GPR27: variants seen among roughly 807,000 people sequenced by gnomAD.
GPR27 encodes the protein G protein-coupled receptor 27, also known as probable G protein-coupled receptor 27.
In GPR27, 3 loss-of-function variants were observed where a neutral mutation model predicts 2.4. The observed-to-expected ratio is 1.23, with a 90% CI of 0.56 to 3.18. GPR27 has a LOEUF of 3.18. Among genes scored for constraint, GPR27 ranks in the 30% most tolerant of loss-of-function variants. GPR27 has a pLI of 0.03. For missense variants in GPR27, 526 were observed against 566.1 expected (o/e 0.93, Z 0.72); for synonymous variants, 367 against 296.4 (o/e 1.24, Z -2.45).
chr3:71,755,039 G>A lies in GPR27; in HGVS notation c.990G>A (p.Gln330=). The A allele has an allele frequency of 6.2e-7, 1 of 1,612,572 alleles. No homozygotes were observed. The highest frequency in any genetic ancestry group is 8.5e-7 in the Non-Finnish European group (1 of 1,179,984). The change falls in exon 1 of 1, where the codon CAG becomes CAA. Residue 330 remains glutamine (Q), a synonymous_variant. Transcript: ENST00000304411. The part of the protein sequence containing the change: ...LTASVWLTFA[Q]AGINPVVCFL... The stretch of plus-strand genomic sequence containing the variant: ...CCTCCGTGTGGCTGACCTTCGCGCA[G>A]GCCGGCATCAACCCCGTCGTGTGCT...
At position 71,756,100 on chromosome 3, in the gene GPR27, T is replaced by G. The variant is rs2049997640; in HGVS notation, c.*923T>G. 1 of 152,236 alleles carries G rather than the reference T, an allele frequency of 6.6e-6. No homozygotes were observed. The highest frequency in any genetic ancestry group is 1.9e-4 in the East Asian group (1 of 5,204). 9.4% of individuals were successfully genotyped at this position (152,236 alleles called of 1,614,324 possible). ...ATTTTTTGCCAATAAAAAATTAATT[T>G]TATGGAAATGGCTTGTGCTTTGAGA... On this transcript the variant is annotated 3_prime_UTR_variant, in exon 1 of 1. Transcript: ENST00000304411.
In GPR27 at chr3:71,755,384, C is replaced by T. The variant is rs2049992486; in HGVS notation, c.*207C>T. ...TCAGCCCACTCCAGCTCCGCACATTCGTCCTCCTAACTCGACTTTCTTCCT... is the reference window on the plus strand; with the variant it reads ...TCAGCCCACTCCAGCTCCGCACATTTGTCCTCCTAACTCGACTTTCTTCCT... On this transcript the variant is annotated 3_prime_UTR_variant, in exon 1 of 1. Coordinates refer to ENST00000304411, the MANE Select transcript of GPR27 (RefSeq NM_018971.3). 1 of 568,130 alleles carries T rather than the reference C, an allele frequency of 1.8e-6. No homozygotes were observed. The highest frequency in any genetic ancestry group is 2.4e-5 in the South Asian group (1 of 41,966). The allele number at this position is 568,130 out of a possible 1,614,324, so 35.2% of individuals were successfully genotyped here.
Position 71,754,703 on chromosome 3 carries a change from C to G in GPR27, c.654C>G (p.Arg218=), listed in dbSNP as rs770128373. ...ACCGCCGCAAGATGCGGCCCGCGCG[C>G]CTGGTGCCCGCCGTCAGCCACGACT... ...IHDRRKMRPA[R]LVPAVSHDWT... Residue 218 remains arginine (R), a synonymous_variant, in exon 1 of 1, where the codon CGC becomes CGG. Coordinates refer to ENST00000304411, the MANE Select transcript of GPR27 (RefSeq NM_018971.3). This position sits in a 1 kb window ranked among gnomAD's most constrained non-coding sequence, Gnocchi z 5.8. 6.7e-7 allele frequency: 1 copy of G among 1,489,086 alleles called. No individual in the cohort carries two copies. The highest frequency in any genetic ancestry group is 1.2e-5 in the South Asian group (1 of 81,830). 92.2% of individuals were successfully genotyped at this position (1,489,086 alleles called of 1,614,324 possible). A position where few individuals can be genotyped will look rare whatever the true frequency, so the allele number is the denominator to read the frequency against.
rs764465323 is a variant in GPR27, at chr3:71,754,837, C to T, written c.788C>T (p.Pro263Leu). 4.2e-5 allele frequency: 67 copies of T among 1,581,436 alleles called. No homozygotes were observed. The Middle Eastern group carries it at 2.8e-3, about 65-fold the overall frequency. Residue 263 changes from proline to leucine, a missense_variant, in exon 1 of 1, where the codon CCG becomes CTG. This residue lies in a region of GPR27 where 98 missense variants were observed against 146.7 expected (regional missense o/e 0.67). Coordinates refer to ENST00000304411, the MANE Select transcript of GPR27 (RefSeq NM_018971.3). This position sits in a 1 kb window ranked among gnomAD's most constrained non-coding sequence, Gnocchi z 5.8. ...CTTGTGGGCATCCGGCCCGCAGGGC[C>T]GGGCCGCGGCGCGCGCCGCCTCCTC... ...PALVGIRPAG[P>L]GRGARRLLVL... is the part of the protein sequence containing the mutation.
rs2049995624 is a variant in GPR27, at chr3:71,755,832, AG to A, written c.*656del. ...TTTTTAAAGCAGTAAGTAACAAGTA[AG>A]ATTTGGTTCCCGGTTTACTTTCTGC... On this transcript the variant is annotated 3_prime_UTR_variant, in exon 1 of 1. Transcript: ENST00000304411. 1 of 152,202 alleles carries A rather than the reference AG, an allele frequency of 6.6e-6. No homozygotes were observed. The highest frequency in any genetic ancestry group is 6.5e-5 in the Admixed American group (1 of 15,282). 9.4% of individuals were successfully genotyped at this position (152,202 alleles called of 1,614,324 possible). A position where few individuals can be genotyped will look rare whatever the true frequency, so the allele number is the denominator to read the frequency against.
chr3:71,754,224 G>T lies in GPR27; in HGVS notation c.175G>T (p.Asp59Tyr). The change falls in exon 1 of 1, where the codon GAC becomes TAC. Residue 59 changes from aspartate to tyrosine, a missense_variant. Transcript: ENST00000304411. The surrounding 1 kb of genome is among the most constrained non-coding windows in gnomAD (Gnocchi z 5.8). ...LHRAPYYLLL[D>Y]LCLADGLRAL... ...CCGCGCCCCGTACTACCTGCTGCTCGACCTGTGCCTGGCCGACGGGCTGCG... is the reference window on the plus strand; with the variant it reads ...CCGCGCCCCGTACTACCTGCTGCTCTACCTGTGCCTGGCCGACGGGCTGCG... The T allele has an allele frequency of 7.3e-7, 1 of 1,371,210 alleles. No individual in the cohort carries two copies. The highest frequency in any genetic ancestry group is 9.6e-7 in the Non-Finnish European group (1 of 1,044,702). The allele number at this position is 1,371,210 out of a possible 1,614,324, so 84.9% of individuals were successfully genotyped here. A position where few individuals can be genotyped will look rare whatever the true frequency, so the allele number is the denominator to read the frequency against.
chr3:71,754,126 G>A lies in GPR27; in HGVS notation c.77G>A (p.Ser26Asn). 7 of 1,442,810 alleles carry A rather than the reference G, an allele frequency of 4.9e-6. No homozygotes were observed. Among genetic ancestry groups the A allele is most frequent in the Non-Finnish European group, 5.5e-6 (6 of 1,089,532 alleles). 89.4% of individuals were successfully genotyped at this position (1,442,810 alleles called of 1,614,324 possible). A position where few individuals can be genotyped will look rare whatever the true frequency, so the allele number is the denominator to read the frequency against. Residue 26 changes from serine (S) to asparagine (N), a missense_variant, in exon 1 of 1, where the codon AGC becomes AAC. By Grantham distance (46) the Ser-to-Asn change is conservative. Around this residue, in one of 3 missense-constraint regions of GPR27, gnomAD observed 312 missense variants for 318.4 expected, o/e 0.98. Coordinates refer to ENST00000304411, the MANE Select transcript of GPR27 (RefSeq NM_018971.3). The surrounding 1 kb of genome is among the most constrained non-coding windows in gnomAD (Gnocchi z 5.8). ...CTGGGCCTCAAGCTGGCCACGCTCAGCCTGCTGCTGTGCGTGAGCCTAGCG... is the reference window on the plus strand; with the variant it reads ...CTGGGCCTCAAGCTGGCCACGCTCAACCTGCTGCTGTGCGTGAGCCTAGCG... ...AALGLKLATLSLLLCVSLAGN... is the reference protein window; with the variant it reads ...AALGLKLATLNLLLCVSLAGN...
At position 71,755,079 on chromosome 3, in the gene GPR27, G is replaced by C. The variant is rs982327922; in HGVS notation, c.1030G>C (p.Glu344Gln). 1.6e-5 allele frequency: 26 copies of C among 1,611,204 alleles called. No individual in the cohort carries two copies. The highest frequency in any genetic ancestry group is 2.2e-5 in the Non-Finnish European group (26 of 1,179,942). ...NPVVCFLFNRELRDCFRAQFP... is the reference protein window; with the variant it reads ...NPVVCFLFNRQLRDCFRAQFP... ...CGTCGTGTGCTTCCTCTTCAACAGG[G>C]AGCTGAGGGACTGCTTCAGGGCCCA... is the stretch of plus-strand genomic sequence containing the variant. The change falls in exon 1 of 1, where the codon GAG becomes CAG. Residue 344 changes from glutamate to glutamine, a missense_variant. This residue lies in a region of GPR27 where 116 missense variants were observed against 100.9 expected (regional missense o/e 1.15). Transcript: ENST00000304411.
Position 71,754,860 on chromosome 3 carries a change from C to T in GPR27, c.811C>T (p.Leu271Phe), listed in dbSNP as rs1449529131. The T allele has an allele frequency of 1.2e-6, 2 of 1,609,876 alleles. No homozygotes were observed. The highest frequency in any genetic ancestry group is 2.7e-5 in the African/African-American group (2 of 74,680). Residue 271 changes from leucine to phenylalanine, a missense_variant, in exon 1 of 1, where the codon CTC becomes TTC. This residue lies in a region of GPR27 where 98 missense variants were observed against 146.7 expected (regional missense o/e 0.67). Transcript: ENST00000304411. This position sits in a 1 kb window ranked among gnomAD's most constrained non-coding sequence, Gnocchi z 5.8. ...GCCGGGCCGCGGCGCGCGCCGCCTCCTCGTGCTGGAAGAATTCAAGACGGA... is the reference window on the plus strand; with the variant it reads ...GCCGGGCCGCGGCGCGCGCCGCCTCTTCGTGCTGGAAGAATTCAAGACGGA... ...AGPGRGARRLLVLEEFKTEKR... is the reference protein window; with the variant it reads ...AGPGRGARRLFVLEEFKTEKR...
Position 71,754,099 on chromosome 3 carries a change from C to T in GPR27, c.50C>T (p.Ala17Val), listed in dbSNP as rs1326979831. The change falls in exon 1 of 1, where the codon GCC becomes GTC. Residue 17 changes from alanine to valine, a missense_variant. Physicochemically the swap from Ala to Val is moderately conservative, Grantham distance 64 (BLOSUM62 0). This residue lies in a region of GPR27 where 312 missense variants were observed against 318.4 expected (regional missense o/e 0.98). Coordinates refer to ENST00000304411, the MANE Select transcript of GPR27 (RefSeq NM_018971.3). The surrounding 1 kb of genome is among the most constrained non-coding windows in gnomAD (Gnocchi z 5.8). ...GGCAGCGGCGGCGGCGAGGCGGCCG[C>T]CCTGGGCCTCAAGCTGGCCACGCTC... ...PGGSGGGEAA[A>V]LGLKLATLSL... 2.2e-6 allele frequency: 3 copies of T among 1,381,926 alleles called. No individual in the cohort carries two copies. Among genetic ancestry groups the T allele is most frequent in the South Asian group, 2.7e-5 (2 of 74,202 alleles). The allele number at this position is 1,381,926 out of a possible 1,614,324, so 85.6% of individuals were successfully genotyped here.
rs1442068364 is a variant in GPR27, at chr3:71,756,279, TACTG to T, written c.*1104_*1107del. On this transcript the variant is annotated 3_prime_UTR_variant, in exon 1 of 1. Transcript: ENST00000304411. ...TTTGCTAGGTTAAGCTGTGCTGTTCTACTGATGGTTGTTTTAAATTAATAATGAG... is the reference window on the plus strand; with the variant it reads ...TTTGCTAGGTTAAGCTGTGCTGTTCTATGGTTGTTTTAAATTAATAATGAG... 2.0e-5 allele frequency: 3 copies of T among 152,244 alleles called. No individual in the cohort carries two copies. Among genetic ancestry groups the T allele is most frequent in the Non-Finnish European group, 4.4e-5 (3 of 68,040 alleles). 9.4% of individuals were successfully genotyped at this position (152,244 alleles called of 1,614,324 possible).
In GPR27 at chr3:71,754,420, T is replaced by C; in HGVS notation, c.371T>C (p.Ile124Thr). The C allele has an allele frequency of 7.4e-7, 1 of 1,350,652 alleles. No homozygotes were observed. The highest frequency in any genetic ancestry group is 2.7e-5 in the Admixed American group (1 of 36,882). The allele number at this position is 1,350,652 out of a possible 1,614,324, so 83.7% of individuals were successfully genotyped here. A position where few individuals can be genotyped will look rare whatever the true frequency, so the allele number is the denominator to read the frequency against. ...LGVGVTRYLA[I>T]AHHRFYAERL... Reference sequence around the variant, plus strand: ...GTGGGCGTCACCCGCTACCTGGCCATCGCGCACCACCGCTTCTATGCAGAG... The same window carrying C: ...GTGGGCGTCACCCGCTACCTGGCCACCGCGCACCACCGCTTCTATGCAGAG... Residue 124 changes from isoleucine (I) to threonine (T), a missense_variant, in exon 1 of 1, where the codon ATC (isoleucine) becomes ACC (threonine). Coordinates refer to ENST00000304411, the MANE Select transcript of GPR27 (RefSeq NM_018971.3). This position sits in a 1 kb window ranked among gnomAD's most constrained non-coding sequence, Gnocchi z 5.8.
In GPR27 at chr3:71,754,421, C is replaced by T. The variant is rs2049978681; in HGVS notation, c.372C>T (p.Ile124=). 1 of 1,351,550 alleles carries T rather than the reference C, an allele frequency of 7.4e-7. No homozygotes were observed. Among genetic ancestry groups the T allele is most frequent in the East Asian group, 3.3e-5 (1 of 30,394 alleles). 83.7% of individuals were successfully genotyped at this position (1,351,550 alleles called of 1,614,324 possible). ...TGGGCGTCACCCGCTACCTGGCCAT[C>T]GCGCACCACCGCTTCTATGCAGAGC... The part of the protein sequence containing the change: ...LGVGVTRYLA[I]AHHRFYAERL... The change falls in exon 1 of 1, where the codon ATC becomes ATT. Residue 124 remains isoleucine (I), a synonymous_variant. Coordinates refer to ENST00000304411, the MANE Select transcript of GPR27 (RefSeq NM_018971.3). This position sits in a 1 kb window ranked among gnomAD's most constrained non-coding sequence, Gnocchi z 5.8.
chr3:71,754,328 G>A lies in GPR27; in HGVS notation c.279G>A (p.Leu93=). Residue 93 remains leucine, a synonymous_variant, in exon 1 of 1, where the codon CTG becomes CTA. Transcript: ENST00000304411. The surrounding 1 kb of genome is among the most constrained non-coding windows in gnomAD (Gnocchi z 5.8). ...AAAAGAPPGA[L]GCKLLAFLAA... The stretch of plus-strand genomic sequence containing the variant: ...CGGCGGGGGCGCCGCCGGGCGCGCT[G>A]GGCTGCAAGCTGCTCGCCTTCCTGG... 2 of 1,234,488 alleles carry A rather than the reference G, an allele frequency of 1.6e-6. No individual in the cohort carries two copies. The highest frequency in any genetic ancestry group is 2.0e-6 in the Non-Finnish European group (2 of 979,680). 76.5% of individuals were successfully genotyped at this position (1,234,488 alleles called of 1,614,324 possible).
At position 71,754,600 on chromosome 3, in the gene GPR27, T is replaced by A; in HGVS notation, c.551T>A (p.Leu184Gln). 1 of 1,436,940 alleles carries A rather than the reference T, an allele frequency of 7.0e-7. No homozygotes were observed. Among genetic ancestry groups the A allele is most frequent in the Admixed American group, 2.5e-5 (1 of 39,266 alleles). The allele number at this position is 1,436,940 out of a possible 1,614,324, so 89.0% of individuals were successfully genotyped here. ...CGGCCCGACGGCGCCCCCGGCGCGC[T>A]GGGCTTCCTGCTGCTGCTGGCCGTG... is the stretch of plus-strand genomic sequence containing the variant. ...EQRPDGAPGA[L>Q]GFLLLLAVVV... Residue 184 changes from leucine (L) to glutamine (Q), a missense_variant, in exon 1 of 1, where the codon CTG becomes CAG. Transcript: ENST00000304411. The surrounding 1 kb of genome is among the most constrained non-coding windows in gnomAD (Gnocchi z 5.8).
chr3:71,755,414 A>G lies in GPR27; in HGVS notation c.*237A>G. Reference sequence around the variant, plus strand: ...TCCTAACTCGACTTTCTTCCTGACAATAGGCCCTGCAGTCTTTTTGTAGCG... The same window carrying G: ...TCCTAACTCGACTTTCTTCCTGACAGTAGGCCCTGCAGTCTTTTTGTAGCG... On this transcript the variant is annotated 3_prime_UTR_variant, in exon 1 of 1. Transcript: ENST00000304411. 3.7e-6 allele frequency: 2 copies of G among 546,504 alleles called. No homozygotes were observed. The highest frequency in any genetic ancestry group is 2.6e-5 in the South Asian group (1 of 38,160). 33.9% of individuals were successfully genotyped at this position (546,504 alleles called of 1,614,324 possible). A position where few individuals can be genotyped will look rare whatever the true frequency, so the allele number is the denominator to read the frequency against.
rs559796169 is a variant in GPR27 at position 71,754,119 on chromosome 3, A to G, written c.70A>G (p.Thr24Ala). 2 of 1,422,746 alleles carry G rather than the reference A, an allele frequency of 1.4e-6. No individual in the cohort carries two copies. The highest frequency in any genetic ancestry group is 1.5e-5 in the African/African-American group (1 of 66,636). 88.1% of individuals were successfully genotyped at this position (1,422,746 alleles called of 1,614,324 possible). The change falls in exon 1 of 1, where the codon ACG (threonine) becomes GCG (alanine). Residue 24 changes from threonine to alanine, a missense_variant. Thr to Ala is a moderately conservative substitution (Grantham distance 58). Around this residue, in one of 3 missense-constraint regions of GPR27, gnomAD observed 312 missense variants for 318.4 expected, o/e 0.98. Coordinates refer to ENST00000304411, the MANE Select transcript of GPR27 (RefSeq NM_018971.3). The surrounding 1 kb of genome is among the most constrained non-coding windows in gnomAD (Gnocchi z 5.8). Reference protein sequence around the residue: ...EAAALGLKLATLSLLLCVSLA... With the variant: ...EAAALGLKLAALSLLLCVSLA... Reference sequence around the variant, plus strand: ...GGCCGCCCTGGGCCTCAAGCTGGCCACGCTCAGCCTGCTGCTGTGCGTGAG... The same window carrying G: ...GGCCGCCCTGGGCCTCAAGCTGGCCGCGCTCAGCCTGCTGCTGTGCGTGAG...
chr3:71,754,442 A>C lies in GPR27; in HGVS notation c.393A>C (p.Ala131=). The change falls in exon 1 of 1, where the codon GCA becomes GCC. Residue 131 remains alanine, a synonymous_variant. Coordinates refer to ENST00000304411, the MANE Select transcript of GPR27 (RefSeq NM_018971.3). This position sits in a 1 kb window ranked among gnomAD's most constrained non-coding sequence, Gnocchi z 5.8. The part of the protein sequence containing the change: ...YLAIAHHRFY[A]ERLAGWPCAA... ...CCATCGCGCACCACCGCTTCTATGC[A>C]GAGCGCCTGGCCGGCTGGCCGTGCG... 7.4e-7 allele frequency: 1 copy of C among 1,346,872 alleles called. No individual in the cohort carries two copies. Among genetic ancestry groups the C allele is most frequent in the Non-Finnish European group, 9.6e-7 (1 of 1,042,982 alleles). 83.4% of individuals were successfully genotyped at this position (1,346,872 alleles called of 1,614,324 possible).
Position 71,754,442 on chromosome 3 carries a change from A to G in GPR27, c.393A>G (p.Ala131=). The change falls in exon 1 of 1, where the codon GCA becomes GCG. Residue 131 remains alanine, a synonymous_variant. Transcript: ENST00000304411. This position sits in a 1 kb window ranked among gnomAD's most constrained non-coding sequence, Gnocchi z 5.8. ...CCATCGCGCACCACCGCTTCTATGC[A>G]GAGCGCCTGGCCGGCTGGCCGTGCG... ...YLAIAHHRFY[A]ERLAGWPCAA... The G allele has an allele frequency of 3.0e-6, 4 of 1,346,872 alleles. No homozygotes were observed. Among genetic ancestry groups the G allele is most frequent in the South Asian group, 1.7e-5 (1 of 57,996 alleles). The allele number at this position is 1,346,872 out of a possible 1,614,324, so 83.4% of individuals were successfully genotyped here.
Sources: allele counts gnomAD v4.1 joint callset, GRCh38; gene constraint gnomAD v4.1.1; regional missense constraint gnomAD v4.1.1; non-coding constraint Gnocchi (gnomAD v3.1); transcripts MANE v1.5; gene names NCBI Gene and HGNC (gene_info 2026-07-23, HGNC 2026-07-21).